Variants in PDE4D observed in about 807,000 individuals in gnomAD.
PDE4D encodes the protein 3',5'-cyclic-AMP phosphodiesterase 4D.
PDE4D carries 24 observed loss-of-function variants against 87.4 expected under a neutral mutation model. The observed-to-expected ratio is 0.27, with a 90% CI of 0.20 to 0.39. PDE4D has a LOEUF of 0.39. PDE4D is among the 10% of genes least tolerant of loss of function. PDE4D has a pLI of 1.00. For synonymous variants in PDE4D, 384 were observed against 383.2 expected (o/e 1.00, Z -0.02); for missense variants, 714 against 1,041.0 (o/e 0.69, Z 4.32).
chr5:58,988,854 C>T (rs1045172633), intron 10 of PDE4D, among the ~76,000 whole-genome samples: 1 of 151,954 alleles, frequency 6.6e-6, no homozygotes, highest in African/African-American at 2.4e-5. Flanking sequence ...TTTTAAAACT[C>T]TGAAATTATT....
chr5:59,207,057 C>T (rs1340804524), intron 2 of PDE4D, among the ~76,000 whole-genome samples: 2 of 151,988 alleles, frequency 1.3e-5, no homozygotes, highest in South Asian at 2.1e-4. Flanking sequence ...TGGTAGCATA[C>T]CCCTGTGTTT....
At chr5:60,394,682 T>A (rs79793341) in intron 1 of PDE4D, among the ~76,000 whole-genome samples, 4,212 of 152,284 alleles carry the variant, frequency 0.028, 93 homozygotes, top group Middle Eastern at 0.082. Flanking sequence ...AAATTTTCCT[T>A]AGTAAATTCA....
chr5:60,445,016 T>C (rs374366701), intron 1 of PDE4D, among the ~76,000 whole-genome samples: 60 of 152,216 alleles, frequency 3.9e-4, no homozygotes, highest in African/African-American at 1.4e-3. Flanking sequence ...AGGGCTCATT[T>C]TTAGTTGATA....
At chr5:60,003,759 A>G (rs1337170105) in intron 2 of PDE4D, among the ~76,000 whole-genome samples, 1 of 151,752 alleles carries the variant, frequency 6.6e-6, no homozygotes, top group East Asian at 1.9e-4. Context: ...TGGAAGCGTC[A>G]TACTCCCTAA....
intron 2 of PDE4D, among the ~76,000 whole-genome samples, chr5:59,211,781 G>A (rs71626144): frequency 0.04 from 6,152 of 152,000 alleles, 264 homozygotes; most frequent in Admixed American, 0.13. Flanking sequence ...ATCTTTATCT[G>A]TTTTGTTCTT....
intron 1 of PDE4D, among the ~76,000 whole-genome samples, chr5:59,490,416 C>A (rs1436373744): frequency 6.6e-6 from 1 of 152,084 alleles, no homozygotes; most frequent in South Asian, 2.1e-4. Flanking sequence ...GCTTTTATCT[C>A]ATTTTTTAAG....
chr5:59,698,507 AATCCT>A (rs1381354274), intron 1 of PDE4D, among the ~76,000 whole-genome samples: 1 of 84,506 alleles, frequency 1.2e-5, no homozygotes, highest in Non-Finnish European at 2.5e-5. Context: ...ACCCACATTC[AATCCT>A]ATTACAGCAA....
rs890455960 is a variant in PDE4D, at chr5:59,472,276, G to A, written c.456-256308C>T. Among the ~76,000 whole-genome samples the A allele has an allele frequency of 6.8e-4, 104 of 152,200 alleles. 8 individuals carry two copies. Among genetic ancestry groups the A allele is most frequent in the South Asian group, 4.1e-4 (2 of 4,822 alleles). On this transcript the variant is annotated intron_variant, in intron 1 of 14. Coordinates refer to ENST00000340635, the MANE Select transcript of PDE4D (RefSeq NM_001104631.2). ...TTATTTGAAATCATACCACATATTC[G>A]TATGACTGGAAGCCAACTTGCATAG... is the stretch of plus-strand genomic sequence containing the variant.
intron 5 of PDE4D, among the ~76,000 whole-genome samples, chr5:59,163,589 C>T (rs979678856): frequency 2.0e-4 from 30 of 152,266 alleles, no homozygotes; most frequent in Admixed American, 9.2e-4. Flanking sequence ...AACAATCTAT[C>T]GTACAAATCT....
At chr5:60,145,739 T>C (rs1780933216) in intron 2 of PDE4D, among the ~76,000 whole-genome samples, 2 of 152,194 alleles carry the variant, frequency 1.3e-5, no homozygotes, top group Non-Finnish European at 1.5e-5. Context: ...CCAGTAGAAG[T>C]AATTGAGATC....
intron 1 of PDE4D, among the ~76,000 whole-genome samples, chr5:60,220,666 T>C (rs908297371): frequency 2.6e-5 from 4 of 152,134 alleles, no homozygotes; most frequent in Non-Finnish European, 5.9e-5. Context: ...CCATGAACAT[T>C]GCAGAAAAAA....
At position 60,131,620 on chromosome 5, in the gene PDE4D, T is replaced by C. The variant is rs538120257; in HGVS notation, c.42+53937A>G. ...GCCTAGTGGCCCCTATCTTGCTAAC[T>C]GACACCCAACCAACCTGCAGAAGCA... On this transcript the variant is annotated intron_variant, in intron 2 of 16. Transcript: ENST00000502484. Among the ~76,000 whole-genome samples, 30 of 152,350 alleles carry C rather than the reference T, an allele frequency of 2.0e-4. No individual in the cohort carries two copies. In the South Asian group the frequency reaches 3.7e-3, roughly 19 times the overall value.
At chr5:59,876,997 C>T (rs1401473489) in intron 1 of PDE4D, among the ~76,000 whole-genome samples, 1 of 152,042 alleles carries the variant, frequency 6.6e-6, no homozygotes, top group Non-Finnish European at 1.5e-5. Context: ...CATAGAACCA[C>T]AAAATATGAA....
At chr5:59,438,849 A>T (rs1248090548) in intron 1 of PDE4D, among the ~76,000 whole-genome samples, 1 of 152,246 alleles carries the variant, frequency 6.6e-6, no homozygotes, top group East Asian at 1.9e-4. Flanking sequence ...GATTGAATAC[A>T]TCTAGAAAAG....
intron 5 of PDE4D, among the ~76,000 whole-genome samples, chr5:59,102,886 G>C (rs1001437978): frequency 3.9e-5 from 6 of 152,150 alleles, no homozygotes; most frequent in African/African-American, 1.2e-4. Flanking sequence ...TGCCTGGGGA[G>C]GGGGAGCATA....
Position 59,676,096 on chromosome 5 carries a change from TATAC to T in PDE4D, c.455+217068_455+217071del, listed in dbSNP as rs751237246. On this transcript the variant is annotated intron_variant, in intron 1 of 14. Transcript: ENST00000340635. Reference sequence around the variant, plus strand: ...AGGGATCAAGATATATGTATATGTATATACACACACACACACACACACATTTAAT... The same window carrying T: ...AGGGATCAAGATATATGTATATGTATACACACACACACACACACATTTAAT... 1.3e-4 allele frequency among the ~76,000 whole-genome samples: 18 copies of T among 137,426 alleles called. No homozygotes were observed. In the South Asian group the frequency reaches 1.6e-3, roughly 12 times the overall value. The allele number at this position is 137,426 out of a possible 152,430, so 90.2% of individuals were successfully genotyped here.
At chr5:59,404,954 T>G (rs975936200) in intron 1 of PDE4D, among the ~76,000 whole-genome samples, 21 of 152,168 alleles carry the variant, frequency 1.4e-4, no homozygotes, top group African/African-American at 2.9e-4. Context: ...TGGGTTTTCA[T>G]GCCAGAACCA....
intron 6 of PDE4D, among the ~76,000 whole-genome samples, chr5:59,027,853 C>T (rs1275162850): frequency 3.3e-5 from 5 of 151,800 alleles, no homozygotes; most frequent in South Asian, 2.1e-4. Flanking sequence ...AATGAGGGTG[C>T]TAAGTGTGCT....
At chr5:59,032,945 C>T (rs1055370890) in intron 6 of PDE4D, among the ~76,000 whole-genome samples, 1 of 152,170 alleles carries the variant, frequency 6.6e-6, no homozygotes, top group African/African-American at 2.4e-5. Flanking sequence ...AATTTGAAAC[C>T]AAGTTTGCCT....
Sources: gnomAD v4.1 joint callset for allele counts (sites outside exome capture counted in the v4.1 genomes callset) on GRCh38, gnomAD v4.1.1 for gene constraint, MANE v1.5 for transcripts, NCBI Gene and HGNC (gene_info 2026-07-23, HGNC 2026-07-21) for gene names.